TBC1D26: variants seen among roughly 807,000 people sequenced by gnomAD.
TBC1D26 encodes the protein TBC1 domain family member 26.
Under a neutral mutation model 42.5 loss-of-function variants are expected in TBC1D26, and 19 were observed. The observed-to-expected ratio is 0.45, with a 90% CI of 0.31 to 0.66. The LOEUF (loss-of-function observed/expected upper bound fraction) is 0.66. TBC1D26 is among the 30% of genes least tolerant of loss of function. The pLI is 0.06. For synonymous variants in TBC1D26, 97 were observed against 123.5 expected (o/e 0.79, Z 1.42); for missense variants, 228 against 332.6 (o/e 0.69, Z 2.45).
Position 15,737,682 on chromosome 17 carries a change from G to C in TBC1D26, c.198+159G>C, listed in dbSNP as rs867291513. ...TTCCTGCTGGACTCTGTTCCCATGA[G>C]GACTTGACCAAAACCCAAACCAAGA... On this transcript the variant is annotated intron_variant, in intron 5 of 14. Coordinates refer to ENST00000437605, the MANE Select transcript of TBC1D26 (RefSeq NM_001388465.1). 7 of 1,117,548 alleles carry C rather than the reference G, an allele frequency of 6.3e-6. No individual in the cohort carries two copies. The South Asian group carries it at 1.1e-4, about 18-fold the overall frequency. The allele number at this position is 1,117,548 out of a possible 1,614,324, so 69.2% of individuals were successfully genotyped here. A position where few individuals can be genotyped will look rare whatever the true frequency, so the allele number is the denominator to read the frequency against.
rs756359159 is a variant in TBC1D26, at chr17:15,740,085, TC to T, written c.498-11del. 8 of 1,606,540 alleles carry T rather than the reference TC, an allele frequency of 5.0e-6. No homozygotes were observed. The East Asian group carries it at 1.8e-4, about 36-fold the overall frequency. On this transcript the variant is annotated splice_polypyrimidine_tract_variant and intron_variant, in intron 8 of 14. Coordinates refer to ENST00000437605, the MANE Select transcript of TBC1D26 (RefSeq NM_001388465.1). Reference sequence around the variant, plus strand: ...ACACACACAAAAAAAAAACCCTCTTTCCCCTCTTTTCTAGGCAGCAGGAATT... The same window carrying T: ...ACACACACAAAAAAAAAACCCTCTTTCCCTCTTTTCTAGGCAGCAGGAATT...
At chr17:15,738,236 G>A in intron 6 of TBC1D26, 44 bp from the exon 7 acceptor site, 3 of 1,611,542 alleles carry the variant, frequency 1.9e-6, no homozygotes, top group South Asian at 1.1e-5. Flanking sequence ...GCTCTGCGGG[G>A]TCGCCCCATG....
intron 10 of TBC1D26, chr17:15,741,710 T>C: frequency 1.8e-6 from 1 of 563,436 alleles, no homozygotes. Flanking sequence ...GGCGCCTGCC[T>C]TGTGGTGTCA....
chr17:15,742,185 T>C (rs1416652170), intron 11 of TBC1D26, 149 bp downstream of exon 11: 31 of 693,120 alleles, frequency 4.5e-5, no homozygotes, highest in Non-Finnish European at 6.8e-5. Flanking sequence ...CAGCGTTGGG[T>C]TTCCTTTTCC....
At position 15,743,392 on chromosome 17, in the gene TBC1D26, C is replaced by A; in HGVS notation, c.933C>A (p.Ser311Arg). The stretch of plus-strand genomic sequence containing the variant: ...AGCACCTCATGAAGCTTTCCTGGAG[C>A]ACTGTCTGGGAGTTTCAGGAGCGAC... ...HRKHLMKLSW[S>R]TVWEFQERLS... is the part of the protein sequence containing the mutation. The change falls in exon 14 of 15, where the codon AGC (serine) becomes AGA (arginine). Residue 311 changes from serine to arginine, a missense_variant. This residue lies in a region of TBC1D26 where 130 missense variants were observed against 168.5 expected (regional missense o/e 0.77). Coordinates refer to ENST00000437605, the MANE Select transcript of TBC1D26 (RefSeq NM_001388465.1). The A allele has an allele frequency of 1.0e-6, 1 of 986,522 alleles. No individual in the cohort carries two copies. The highest frequency in any genetic ancestry group is 1.2e-6 in the Non-Finnish European group (1 of 830,344). 61.1% of individuals were successfully genotyped at this position (986,522 alleles called of 1,614,324 possible).
rs1229803690 is a variant in TBC1D26, at chr17:15,735,256, C to T, written c.-1-92C>T. On this transcript the variant is annotated intron_variant, in intron 2 of 14. Transcript: ENST00000437605. ...GGGTAGTGGAATGGGGCTCACCAGA[C>T]TGGAGTGTGTCTGGGAGTGCAGTGC... 13 of 1,114,602 alleles carry T rather than the reference C, an allele frequency of 1.2e-5. 2 individuals are homozygous for T. In the South Asian group the frequency reaches 1.5e-4, roughly 13 times the overall value. 69.0% of individuals were successfully genotyped at this position (1,114,602 alleles called of 1,614,324 possible).
chr17:15,741,118 G>A lies in TBC1D26; in HGVS notation c.547-4G>A, dbSNP rs761393181. ...TCTTTCCACGGTGACTCTGGCTCTTGCAGGAGGTGGGCTACCACAGGGACC... is the reference window on the plus strand; with the variant it reads ...TCTTTCCACGGTGACTCTGGCTCTTACAGGAGGTGGGCTACCACAGGGACC... On this transcript the variant is annotated splice_region_variant and splice_polypyrimidine_tract_variant and intron_variant, in intron 9 of 14. Coordinates refer to ENST00000437605, the MANE Select transcript of TBC1D26 (RefSeq NM_001388465.1). 1.2e-6 allele frequency: 2 copies of A among 1,609,416 alleles called. No homozygotes were observed. Among genetic ancestry groups the A allele is most frequent in the East Asian group, 4.5e-5 (2 of 44,858 alleles).
intron 9 of TBC1D26, 118 bp downstream of exon 9, chr17:15,740,266 A>G (rs1555569153): frequency 8.7e-6 from 14 of 1,610,160 alleles, no homozygotes; most frequent in South Asian, 7.7e-5. Context: ...AGGACGTAGT[A>G]GGCAGGACTT....
intron 14 of TBC1D26, 40 bp from the exon 15 acceptor site, chr17:15,744,203 T>C (rs1032156227): frequency 6.6e-6 from 1 of 152,122 alleles, no homozygotes; most frequent in African/African-American, 2.4e-5. Flanking sequence ...CTCCACTGAT[T>C]ATAGTATTTC....
At chr17:15,740,807 C>A in intron 9 of TBC1D26, 4 of 774,496 alleles carry the variant, frequency 5.2e-6, no homozygotes, top group African/African-American at 1.8e-5. Flanking sequence ...CTGCCCCAGG[C>A]CTGGCACAGT....
At chr17:15,736,215 C>G (rs555789538) in intron 4 of TBC1D26, among the ~76,000 whole-genome samples, 1 of 152,370 alleles carries the variant, frequency 6.6e-6, no homozygotes, top group African/African-American at 2.4e-5. Context: ...AGGGGGACAA[C>G]AGAGCATGCA....
intron 8 of TBC1D26, among the ~76,000 whole-genome samples, chr17:15,739,631 G>A (rs559855908): frequency 6.6e-6 from 1 of 152,418 alleles, no homozygotes; most frequent in Admixed American, 6.5e-5. Flanking sequence ...TTCTGGGAAA[G>A]GGCAAACCAT....
intron 10 of TBC1D26, 60 bp downstream of exon 10, chr17:15,741,281 C>A: frequency 6.2e-7 from 1 of 1,608,874 alleles, no homozygotes. Flanking sequence ...CACAGCCATG[C>A]CAGGGGACAG....
rs1307196770 is a variant in TBC1D26, at chr17:15,744,555, G to T, written c.1370G>T (p.Gly457Val). 1 of 152,200 alleles carries T rather than the reference G, an allele frequency of 6.6e-6. No homozygotes were observed. Among genetic ancestry groups the T allele is most frequent in the East Asian group, 1.9e-4 (1 of 5,186 alleles). 9.4% of individuals were successfully genotyped at this position (152,200 alleles called of 1,614,324 possible). A position where few individuals can be genotyped will look rare whatever the true frequency, so the allele number is the denominator to read the frequency against. The change falls in exon 15 of 15, where the codon GGT becomes GTT. Residue 457 changes from glycine (G) to valine (V), a missense_variant. Transcript: ENST00000437605. Reference protein sequence around the residue: ...TWTRDAPMQAGVPWLLLTPSG... With the variant: ...TWTRDAPMQAVVPWLLLTPSG... ...ACCAGGGATGCCCCCATGCAGGCCG[G>T]TGTGCCCTGGCTGCTCTTGACACCC...
At chr17:15,743,633 C>T in intron 14 of TBC1D26, 117 bp downstream of exon 14, 1 of 224,402 alleles carries the variant, frequency 4.5e-6, no homozygotes, top group Non-Finnish European at 7.6e-6. Flanking sequence ...CTTCTTCCTC[C>T]TCTTCCTCCT....
At chr17:15,740,995 C>A in intron 9 of TBC1D26, 127 bp from the exon 10 acceptor site, 1 of 1,307,352 alleles carries the variant, frequency 7.6e-7, no homozygotes, top group Non-Finnish European at 1.1e-6. Context: ...GAGGCTGCAC[C>A]TCAAATCCCC....
At chr17:15,743,615 C>T (rs1967850493) in intron 14 of TBC1D26, 99 bp downstream of exon 14, 2 of 303,466 alleles carry the variant, frequency 6.6e-6, no homozygotes, top group Non-Finnish European at 9.8e-6. Flanking sequence ...GGTCTTCCTC[C>T]TGCACCTCTT....
At chr17:15,738,889 G>A (rs1967698014) in intron 8 of TBC1D26, 59 bp downstream of exon 8, 13 of 1,608,404 alleles carry the variant, frequency 8.1e-6, no homozygotes, top group Non-Finnish European at 1.1e-5. Flanking sequence ...AGAGGAATGA[G>A]GTTGTCCCCA....
rs772242358 is a variant in TBC1D26, at chr17:15,738,032, G to T, written c.234G>T (p.Trp78Cys). The T allele has an allele frequency of 3.1e-6, 5 of 1,614,202 alleles. No homozygotes were observed. In the Admixed American group the frequency reaches 8.3e-5, roughly 27 times the overall value. ...AGGAAAGTAAACGTACCAACAAGTG[G>T]CAAAAGATGCTTGCAGACTGGACAA... is the stretch of plus-strand genomic sequence containing the variant. ...RRKESKRTNKWQKMLADWTKY... is the reference protein window; with the variant it reads ...RRKESKRTNKCQKMLADWTKY... Residue 78 changes from tryptophan (W) to cysteine (C), a missense_variant, in exon 6 of 15, where the codon TGG becomes TGT. This residue lies in a region of TBC1D26 where 72 missense variants were observed against 90.1 expected (regional missense o/e 0.80). Transcript: ENST00000437605.
Sources: gnomAD v4.1 joint callset for allele counts (sites outside exome capture counted in the v4.1 genomes callset) on GRCh38, gnomAD v4.1.1 for gene constraint, gnomAD v4.1.1 regional missense constraint, MANE v1.5 for transcripts, NCBI Gene and HGNC (gene_info 2026-07-23, HGNC 2026-07-21) for gene names.